VAC14: variants seen among roughly 807,000 people sequenced by gnomAD.
The protein encoded by VAC14 is VAC14 component of PIKFYVE complex, also known as protein VAC14 homolog.
A neutral mutation model predicts 85.3 loss-of-function variants in VAC14; 47 were observed. That is an observed-to-expected ratio of 0.55 (90% confidence interval 0.44 to 0.70). VAC14 has a LOEUF of 0.70. Ranked by LOEUF, VAC14 falls within the 30% of genes least tolerant of loss-of-function variation. VAC14 has a pLI of 0.00. For synonymous variants in VAC14, 447 were observed against 430.5 expected (o/e 1.04, Z -0.47); for missense variants, 861 against 1,004.3 (o/e 0.86, Z 1.93).
chr16:70,701,501 G>A (rs1354519485), intron 14 of VAC14, among the ~76,000 whole-genome samples: 1 of 151,986 alleles, frequency 6.6e-6, no homozygotes, highest in Non-Finnish European at 1.5e-5. Flanking sequence ...CCTTACCCTG[G>A]GAGCACAACC....
At chr16:70,755,307 A>C (rs888319516) in intron 12 of VAC14, 1 of 246,638 alleles carries the variant, frequency 4.1e-6, no homozygotes, top group Admixed American at 5.3e-5. Flanking sequence ...CAGGAGAATG[A>C]GGTCAAAGTT....
intron 14 of VAC14, chr16:70,714,182 C>G (rs2054099775): frequency 6.6e-6 from 1 of 152,156 alleles, no homozygotes; most frequent in African/African-American, 2.4e-5. Context: ...CAATTTTGCT[C>G]TCTATTTTAG....
chr16:70,760,542 A>G lies in VAC14; in HGVS notation c.1371+1998T>C, dbSNP rs142026434. ...GAAGCAGAGGCTCTTCACTGCTGTT[A>G]TGGTACCCCTCAACTGTCCCCCAGA... On this transcript the variant is annotated intron_variant, in intron 12 of 18. Coordinates refer to ENST00000261776, the MANE Select transcript of VAC14 (RefSeq NM_018052.5). 2.2e-4 allele frequency among the ~76,000 whole-genome samples: 30 copies of G among 133,402 alleles called. 1 individual carries two copies. In the East Asian group the frequency reaches 5.9e-3, roughly 26 times the overall value. The allele number at this position is 133,402 out of a possible 152,430, so 87.5% of individuals were successfully genotyped here.
At position 70,781,124 on chromosome 16, in the gene VAC14, G is replaced by A. The variant is rs4985366; in HGVS notation, c.947-185C>T. On this transcript the variant is annotated intron_variant, in intron 8 of 18. Coordinates refer to ENST00000261776, the MANE Select transcript of VAC14 (RefSeq NM_018052.5). ...TACTGAGCGAGTTGAGTGAGTTCTT[G>A]CTCTATTATTATTCATGAGGGGGCT... is the stretch of plus-strand genomic sequence containing the variant. 0.16 allele frequency among the ~76,000 whole-genome samples: 24,052 copies of A among 152,058 alleles called. 2,408 individuals are homozygous for A. The highest frequency in any genetic ancestry group is 0.31 in the Admixed American group (4,723 of 15,274).
chr16:70,742,443 C>T (rs941174342), intron 13 of VAC14, among the ~76,000 whole-genome samples: 2 of 152,360 alleles, frequency 1.3e-5, no homozygotes, highest in Admixed American at 1.3e-4. Context: ...GTCCCAAGGA[C>T]TTAAGGTTGG....
intron 10 of VAC14, chr16:70,769,720 G>A (rs1190780814): frequency 1.3e-5 from 2 of 152,246 alleles, no homozygotes; most frequent in Non-Finnish European, 2.9e-5. Flanking sequence ...GAGGGCTCCT[G>A]TAGGCTCATC....
Position 70,730,438 on chromosome 16 carries a change from G to GC in VAC14, c.1661+1056dup, listed in dbSNP as rs1332024556. ...TCCCCAGGCTCCTTCTTGCCTTGAA[G>GC]CCCCATACAGCCTAGGCCCCTGCCG... On this transcript the variant is annotated intron_variant, in intron 14 of 18. Coordinates refer to ENST00000261776, the MANE Select transcript of VAC14 (RefSeq NM_018052.5). Among the ~76,000 whole-genome samples the GC allele has an allele frequency of 4.6e-5, 7 of 151,924 alleles. No individual in the cohort carries two copies. The East Asian group carries it at 1.2e-3, about 25-fold the overall frequency.
intron 12 of VAC14, among the ~76,000 whole-genome samples, chr16:70,759,145 A>G (rs1015270297): frequency 1.3e-5 from 2 of 152,230 alleles, no homozygotes; most frequent in African/African-American, 4.8e-5. Flanking sequence ...ACCTGAGCAC[A>G]CTGTCCCCTG....
At chr16:70,749,312 C>G (rs1372422126) in intron 12 of VAC14, among the ~76,000 whole-genome samples, 1 of 152,372 alleles carries the variant, frequency 6.6e-6, no homozygotes, top group Admixed American at 6.5e-5. Context: ...CACCCCACTG[C>G]AGAGCACAGC....
chr16:70,796,119 G>A (rs2143352685), intron 1 of VAC14, among the ~76,000 whole-genome samples: 1 of 152,340 alleles, frequency 6.6e-6, no homozygotes, highest in Middle Eastern at 3.4e-3. Flanking sequence ...TTATCCTATA[G>A]GAAATTGTGT....
At position 70,785,935 on chromosome 16, in the gene VAC14, T is replaced by G; in HGVS notation, c.256-66A>C. ...GGAGCCCAGGCCCTGCAGCCTGCAG[T>G]GCCAGCTGACATCCCAGCTCCCTTG... On this transcript the variant is annotated intron_variant, in intron 2 of 18. Coordinates refer to ENST00000261776, the MANE Select transcript of VAC14 (RefSeq NM_018052.5). The G allele has an allele frequency of 2.7e-6, 4 of 1,503,780 alleles. No homozygotes were observed. In the South Asian group the frequency reaches 5.1e-5, roughly 19 times the overall value. 93.2% of individuals were successfully genotyped at this position (1,503,780 alleles called of 1,614,324 possible).
At chr16:70,797,788 G>C (rs1164618071) in intron 1 of VAC14, among the ~76,000 whole-genome samples, 3 of 152,154 alleles carry the variant, frequency 2.0e-5, no homozygotes, top group Non-Finnish European at 1.5e-5. Flanking sequence ...GTTCTCAAGA[G>C]ATCTGGTTGT....
intron 14 of VAC14, among the ~76,000 whole-genome samples, chr16:70,708,319 A>T (rs2053962104): frequency 6.6e-6 from 1 of 152,150 alleles, no homozygotes; most frequent in South Asian, 2.1e-4. Flanking sequence ...GGGCCCCTAC[A>T]GGCAATGGGG....
chr16:70,777,296 C>T (rs1444864944), intron 9 of VAC14, among the ~76,000 whole-genome samples: 1 of 152,208 alleles, frequency 6.6e-6, no homozygotes, highest in East Asian at 1.9e-4. Context: ...TTGTCATGTG[C>T]TAAGCGATTT....
intron 1 of VAC14, among the ~76,000 whole-genome samples, chr16:70,795,042 G>A (rs905319602): frequency 1.3e-5 from 2 of 152,240 alleles, no homozygotes; most frequent in South Asian, 2.1e-4. Context: ...ATGCTGTGCA[G>A]GTTTGTAGAC....
At chr16:70,789,445 T>C (rs775311196) in intron 1 of VAC14, among the ~76,000 whole-genome samples, 1 of 152,174 alleles carries the variant, frequency 6.6e-6, no homozygotes, top group Non-Finnish European at 1.5e-5. Context: ...AATCAACTTA[T>C]ATGCAAGGAG....
Position 70,801,122 on chromosome 16 carries a change from G to A in VAC14, c.-222C>T, listed in dbSNP as rs978942608. 2.5e-5 allele frequency: 11 copies of A among 432,238 alleles called. No homozygotes were observed. The highest frequency in any genetic ancestry group is 4.1e-5 in the Non-Finnish European group (10 of 246,356). 26.8% of individuals were successfully genotyped at this position (432,238 alleles called of 1,614,324 possible). A position where few individuals can be genotyped will look rare whatever the true frequency, so the allele number is the denominator to read the frequency against. On this transcript the variant is annotated 5_prime_UTR_variant, in exon 1 of 19. Coordinates refer to ENST00000261776, the MANE Select transcript of VAC14 (RefSeq NM_018052.5). ...GCTTAACAACTCCCGCCCGGCACTA[G>A]CGGGACTCACGAGACAGCGGCCATG...
At chr16:70,727,313 G>A (rs1046472928) in intron 14 of VAC14, among the ~76,000 whole-genome samples, 9 of 152,208 alleles carry the variant, frequency 5.9e-5, no homozygotes, top group African/African-American at 2.2e-4. Flanking sequence ...CGGAACCATC[G>A]CGATGCCTCT....
At chr16:70,755,216 G>C (rs2143037444) in intron 12 of VAC14, 1 of 348,518 alleles carries the variant, frequency 2.9e-6, no homozygotes, top group East Asian at 1.2e-4. Context: ...AGGGCTTCTG[G>C]ACTGAGCCCT....
Sources: allele counts gnomAD v4.1 joint callset (sites outside exome capture counted in the v4.1 genomes callset), GRCh38; gene constraint gnomAD v4.1.1; transcripts MANE v1.5; gene names NCBI Gene and HGNC (gene_info 2026-07-23, HGNC 2026-07-21).